Variants in SNRPN observed in about 807,000 individuals in gnomAD.
SNRPN encodes small nuclear ribonucleoprotein-associated protein N.
SNRPN carries 7 observed loss-of-function variants against 25.2 expected under a neutral mutation model. The observed-to-expected ratio is 0.28, with a 90% CI of 0.16 to 0.52. The LOEUF (loss-of-function observed/expected upper bound fraction) is 0.52, where lower values mean the gene tolerates loss of function less well. Among genes scored for constraint, SNRPN ranks in the 20% least tolerant of loss-of-function variants. The pLI is 0.96. For missense variants in SNRPN, 196 were observed against 322.5 expected, an observed-to-expected ratio of 0.61 and a Z score of 3.00; for synonymous variants, 124 against 110.6, an observed-to-expected ratio of 1.12 and a Z score of -0.76.
At chr15:24,851,209 G>C (rs1368616712) in intron 2 of SNRPN, 1 of 152,142 alleles carries the variant, frequency 6.6e-6, no homozygotes, top group Non-Finnish European at 1.5e-5. Context: ...TTTGGGTTTT[G>C]CCCAGTGCAT....
chr15:24,926,586 A>G (rs1467895872), intron 3 of SNRPN, among the ~76,000 whole-genome samples: 2 of 150,924 alleles, frequency 1.3e-5, no homozygotes, highest in Non-Finnish European at 2.9e-5. Flanking sequence ...GAGGAATTTT[A>G]TTTATATTTT....
At chr15:24,851,549 G>A (rs1305903167) in intron 2 of SNRPN, 1 of 153,000 alleles carries the variant, frequency 6.5e-6, no homozygotes, top group Non-Finnish European at 1.5e-5. Flanking sequence ...AACATGTAAG[G>A]AGGGCAGGAG....
intron 2 of SNRPN, among the ~76,000 whole-genome samples, chr15:24,912,819 C>A (rs973638525): frequency 1.3e-5 from 2 of 152,224 alleles, no homozygotes; most frequent in Non-Finnish European, 2.9e-5. Flanking sequence ...AAGACATCAT[C>A]TTGGAAACAG....
intron 2 of SNRPN, among the ~76,000 whole-genome samples, chr15:24,833,325 T>C (rs946943679): frequency 6.6e-6 from 1 of 151,922 alleles, no homozygotes; most frequent in African/African-American, 2.4e-5. Flanking sequence ...CCTGGAATGC[T>C]AGTAGTAAAA....
intron 3 of SNRPN, among the ~76,000 whole-genome samples, chr15:24,972,919 G>A (rs1409358788): frequency 1.2e-4 from 18 of 150,870 alleles, no homozygotes. Context: ...ATGGAGTCTT[G>A]CTCTGTTGCC....
chr15:24,889,363 C>T (rs2057456171), intron 2 of SNRPN, among the ~76,000 whole-genome samples: 1 of 152,002 alleles, frequency 6.6e-6, no homozygotes, highest in Admixed American at 6.6e-5. Context: ...AGTTCAATGG[C>T]ACGATCTCCG....
chr15:24,951,758 T>C (rs1218079581), upstream of SNRPN, among the ~76,000 whole-genome samples: 2 of 152,174 alleles, frequency 1.3e-5, no homozygotes, highest in Non-Finnish European at 2.9e-5. Context: ...TCTGCCTGCC[T>C]CAGTCTCCCA....
chr15:24,938,073 A>G (rs2061339715), intron 3 of SNRPN, among the ~76,000 whole-genome samples: 1 of 149,962 alleles, frequency 6.7e-6, no homozygotes, highest in Non-Finnish European at 1.5e-5. Context: ...TGCTATGAAC[A>G]TGGGTGTGCA....
Position 24,975,428 on chromosome 15 carries a change from G to A in SNRPN, c.74G>A (p.Arg25Gln), listed in dbSNP as rs749853771. ...ATGAGATGTATCCTGCAAGATGGCC[G>A]AATCTTCATTGGCACCTTTAAGGCT... ...YRMRCILQDGRIFIGTFKAFD... is the reference protein window; with the variant it reads ...YRMRCILQDGQIFIGTFKAFD... The change falls in exon 5 of 10, where the codon CGA becomes CAA. Residue 25 changes from arginine to glutamine, a missense_variant. Arg to Gln is a conservative substitution (Grantham distance 43). Transcript: ENST00000390687. 1.2e-6 allele frequency: 2 copies of A among 1,612,752 alleles called. No homozygotes were observed. The highest frequency in any genetic ancestry group is 1.7e-6 in the Non-Finnish European group (2 of 1,178,782).
chr15:24,973,755 G>A (rs890062849), intron 3 of SNRPN, among the ~76,000 whole-genome samples: 1 of 152,106 alleles, frequency 6.6e-6, no homozygotes, highest in East Asian at 1.9e-4. Flanking sequence ...AGTTGTTTAT[G>A]TGAGTCTATA....
chr15:24,890,577 G>A (rs926404677), intron 2 of SNRPN, among the ~76,000 whole-genome samples: 1 of 152,022 alleles, frequency 6.6e-6, no homozygotes, highest in African/African-American at 2.4e-5. Context: ...TACTCAGGAG[G>A]CTGAGGCAGG....
At position 24,976,859 on chromosome 15, in the gene SNRPN, T is replaced by C. The variant is rs749350247; in HGVS notation, c.268-18T>C. 6 of 1,603,838 alleles carry C rather than the reference T, an allele frequency of 3.7e-6. No individual in the cohort carries two copies. Among genetic ancestry groups the C allele is most frequent in the Admixed American group, 3.5e-5 (2 of 57,536 alleles). On this transcript the variant is annotated intron_variant, in intron 6 of 9. Coordinates refer to ENST00000390687, the MANE Select transcript of SNRPN (RefSeq NM_003097.6). ...TTGTAAATTGTTTGATTTTAGGCTA[T>C]GAATTTTCTTGTTTCAGACTGGCAT...
At chr15:24,909,600 C>A in intron 2 of SNRPN, 1 of 1,237,242 alleles carries the variant, frequency 8.1e-7, no homozygotes, top group Non-Finnish European at 1.2e-6. Context: ...GCTGTGCAGA[C>A]TATCATATCC....
At chr15:24,880,793 G>T (rs1169820117) in intron 1 of SNRPN, among the ~76,000 whole-genome samples, 2 of 151,920 alleles carry the variant, frequency 1.3e-5, no homozygotes, top group Admixed American at 6.6e-5. Flanking sequence ...GTCCAGGCTG[G>T]AGTGGAATGG....
chr15:24,867,600 T>C (rs2054698235), intron 1 of SNRPN, among the ~76,000 whole-genome samples: 1 of 152,108 alleles, frequency 6.6e-6, no homozygotes, highest in Admixed American at 6.6e-5. Context: ...GGTCCCGATC[T>C]CCTGACCTCA....
chr15:24,881,412 T>G (rs1402697234), intron 1 of SNRPN, among the ~76,000 whole-genome samples: 1 of 150,692 alleles, frequency 6.6e-6, no homozygotes, highest in Non-Finnish European at 1.5e-5. Context: ...ACACCTGTAA[T>G]CCCAGCTACT....
chr15:24,962,239 C>T (rs775243777), intron 2 of SNRPN, 30 bp downstream of exon 2: 1 of 1,564,712 alleles, frequency 6.4e-7, no homozygotes, highest in Non-Finnish European at 8.8e-7. Context: ...GGAACAAATG[C>T]AAGTCAGAAT....
At chr15:24,956,542 G>A (rs1334600566) in intron 1 of SNRPN, among the ~76,000 whole-genome samples, 1 of 152,350 alleles carries the variant, frequency 6.6e-6, no homozygotes, top group Non-Finnish European at 1.5e-5. Context: ...TGCAGGTTGC[G>A]CAGACGCAGC....
chr15:24,867,282 C>T (rs2054654480), intron 1 of SNRPN, among the ~76,000 whole-genome samples: 1 of 152,026 alleles, frequency 6.6e-6, no homozygotes, highest in African/African-American at 2.4e-5. Context: ...CACCTGTTAT[C>T]TTTACTCTTT....
Sources: allele counts gnomAD v4.1 joint callset (sites outside exome capture counted in the v4.1 genomes callset), GRCh38; gene constraint gnomAD v4.1.1; transcripts MANE v1.5; gene names NCBI Gene and HGNC (gene_info 2026-07-23, HGNC 2026-07-21).